DAB1: variants seen among roughly 807,000 people sequenced by gnomAD.
DAB1 encodes the protein disabled homolog 1.
In DAB1, 15 loss-of-function variants were observed where a neutral mutation model predicts 64.6. The observed-to-expected ratio is 0.23, with a 90% CI of 0.16 to 0.36. DAB1 has a LOEUF of 0.36. DAB1 is among the 10% of genes least tolerant of loss of function. DAB1 has a pLI of 1.00. For missense variants in DAB1, 596 were observed against 706.7 expected, an observed-to-expected ratio of 0.84 and a Z score of 1.78; for synonymous variants, 235 against 251.9, an observed-to-expected ratio of 0.93 and a Z score of 0.64.
intron 5 of DAB1, among the ~76,000 whole-genome samples, chr1:58,062,620 G>T (rs1457770458): frequency 2.0e-5 from 3 of 152,212 alleles, no homozygotes; most frequent in Non-Finnish European, 4.4e-5. Flanking sequence ...AGCTCCCCAG[G>T]TTCTGTTCCT....
intron 5 of DAB1, among the ~76,000 whole-genome samples, chr1:58,057,496 T>C (rs12408483): frequency 2.0e-5 from 3 of 152,138 alleles, no homozygotes; most frequent in Admixed American, 2.0e-4. Flanking sequence ...ATAACTGTTG[T>C]CTTTATAAGA....
chr1:58,398,461 A>G (rs1644541754), intron 3 of DAB1, among the ~76,000 whole-genome samples: 1 of 152,244 alleles, frequency 6.6e-6, no homozygotes, highest in Non-Finnish European at 1.5e-5. Flanking sequence ...CACAGTTGTA[A>G]GAGGCCAAGC....
At chr1:57,597,796 C>G (rs1645528212) in intron 7 of DAB1, among the ~76,000 whole-genome samples, 1 of 152,128 alleles carries the variant, frequency 6.6e-6, no homozygotes, top group Non-Finnish European at 1.5e-5. Flanking sequence ...GCCATGAACC[C>G]AGGACATAGA....
In DAB1 at chr1:57,011,271, A is replaced by G. The variant is rs1260176711; in HGVS notation, c.1446T>C (p.Pro482=). 1.9e-6 allele frequency: 3 copies of G among 1,613,118 alleles called. No individual in the cohort carries two copies. The African/African-American group carries it at 4.0e-5, about 22-fold the overall frequency. ...AGCTCTGTCTAGGGGCTGGGGTTGG[A>G]GCTACACAGAGACCACAGAAAAAGA... is the stretch of plus-strand genomic sequence containing the variant. ...VTSTTPSTNS[P]PTPAPRQSSP... The change falls in exon 13 of 15, where the codon CCT becomes CCC. Residue 482 remains proline, a splice_region_variant and synonymous_variant. Coordinates refer to ENST00000371236, the MANE Select transcript of DAB1 (RefSeq NM_001365792.1).
At chr1:57,821,407 G>C (rs1029896165), downstream of DAB1, among the ~76,000 whole-genome samples, 2 of 131,094 alleles carry the variant, frequency 1.5e-5, no homozygotes, top group African/African-American at 5.7e-5. Flanking sequence ...GCAATGAGCA[G>C]CTCTGTAATT....
intron 3 of DAB1, among the ~76,000 whole-genome samples, chr1:58,393,194 C>T (rs908643883): frequency 4.2e-5 from 6 of 144,394 alleles, no homozygotes; most frequent in Non-Finnish European, 7.4e-5. Flanking sequence ...AACTCTGGGG[C>T]TTAAGTGATC....
At chr1:57,928,968 CG>C (rs1644917832) in intron 5 of DAB1, among the ~76,000 whole-genome samples, 2 of 152,164 alleles carry the variant, frequency 1.3e-5, no homozygotes, top group African/African-American at 2.4e-5. Flanking sequence ...AGCACAATTG[CG>C]GGGTCAAATG....
intron 7 of DAB1, among the ~76,000 whole-genome samples, chr1:57,473,610 A>G (rs2101214500): frequency 6.6e-6 from 1 of 152,354 alleles, no homozygotes; most frequent in South Asian, 2.1e-4. Flanking sequence ...CCTGACATAC[A>G]TGAAGCATTC....
chr1:58,222,873 G>T (rs189751295), intron 4 of DAB1, among the ~76,000 whole-genome samples: 2 of 152,276 alleles, frequency 1.3e-5, no homozygotes, highest in Admixed American at 6.5e-5. Flanking sequence ...TTCAGGGTGG[G>T]TATTATCCCA....
At chr1:57,707,683 T>C (rs1372330579) in intron 6 of DAB1, among the ~76,000 whole-genome samples, 1 of 152,216 alleles carries the variant, frequency 6.6e-6, no homozygotes, top group East Asian at 1.9e-4. Flanking sequence ...ATTGATGTTT[T>C]CTTTTTCTAA....
At chr1:58,203,241 T>A (rs7545320) in intron 4 of DAB1, among the ~76,000 whole-genome samples, 2 of 151,964 alleles carry the variant, frequency 1.3e-5, no homozygotes, top group Non-Finnish European at 2.9e-5. Context: ...AAGTAATGAT[T>A]TGTCTTCAAC....
At chr1:57,565,054 A>G (rs1208885966) in intron 7 of DAB1, among the ~76,000 whole-genome samples, 2 of 152,238 alleles carry the variant, frequency 1.3e-5, no homozygotes, top group African/African-American at 4.8e-5. Context: ...AGGGAAGCCC[A>G]TCAGACTAAC....
At chr1:57,267,129 G>A (rs1427504341) in intron 2 of DAB1, among the ~76,000 whole-genome samples, 1 of 152,048 alleles carries the variant, frequency 6.6e-6, no homozygotes, top group Non-Finnish European at 1.5e-5. Context: ...TAGGCCTTAA[G>A]TCCAATAATA....
At chr1:58,352,512 G>C (rs773580753) in intron 3 of DAB1, among the ~76,000 whole-genome samples, 25 of 152,168 alleles carry the variant, frequency 1.6e-4, no homozygotes, top group Admixed American at 4.6e-4. Context: ...GTAAAGTTTA[G>C]AGATTTGATC....
At chr1:58,472,452 T>G (rs111321386) in intron 3 of DAB1, among the ~76,000 whole-genome samples, 199 of 152,384 alleles carry the variant, frequency 1.3e-3, no homozygotes, top group African/African-American at 4.5e-3. Context: ...AAGTCTTGCT[T>G]AGAAACAGCC....
intron 5 of DAB1, among the ~76,000 whole-genome samples, chr1:57,936,478 G>T (rs1023035371): frequency 6.6e-6 from 1 of 152,144 alleles, no homozygotes; most frequent in Non-Finnish European, 1.5e-5. Flanking sequence ...TGAAAACTCC[G>T]CCTGCTGGGT....
At chr1:58,323,627 C>T (rs914703272) in intron 4 of DAB1, among the ~76,000 whole-genome samples, 1 of 152,088 alleles carries the variant, frequency 6.6e-6, no homozygotes, top group Non-Finnish European at 1.5e-5. Context: ...ACAAGCCATG[C>T]ACTCTACTAG....
chr1:58,036,557 A>G (rs986576267), intron 5 of DAB1, among the ~76,000 whole-genome samples: 9 of 152,232 alleles, frequency 5.9e-5, no homozygotes, highest in Non-Finnish European at 1.0e-4. Context: ...TCAAAAGTCA[A>G]ATTAATACTT....
chr1:57,522,855 G>A (rs146328409), intron 7 of DAB1, among the ~76,000 whole-genome samples: 16 of 152,268 alleles, frequency 1.1e-4, no homozygotes, highest in African/African-American at 3.1e-4. Context: ...TGAGTCTTCC[G>A]GCCTTCATCT....
Sources: gnomAD v4.1 joint callset for allele counts (sites outside exome capture counted in the v4.1 genomes callset) on GRCh38, gnomAD v4.1.1 for gene constraint, MANE v1.5 for transcripts, NCBI Gene and HGNC (gene_info 2026-07-23, HGNC 2026-07-21) for gene names.